The following RELN variants were observed in gnomAD, a reference collection of about 807,000 sequenced individuals.
RELN encodes reelin.
A neutral mutation model predicts 427.6 loss-of-function variants in RELN; 108 were observed. The ratio of observed to expected loss-of-function variants is 0.25; its 90% CI spans 0.22 to 0.30. The LOEUF (loss-of-function observed/expected upper bound fraction) is 0.30, where lower values mean the gene tolerates loss of function less well. RELN is among the 10% of genes least tolerant of loss of function. The probability of loss-of-function intolerance (pLI) is 1.00; values close to 1 mark genes in which losing one functional copy is unlikely to be tolerated. For synonymous variants in RELN, 1,524 were observed against 1,513.4 expected (o/e 1.01, Z -0.16); for missense variants, 3,715 against 4,302.8 (o/e 0.86, Z 3.82).
At position 103,989,400 on chromosome 7, in the gene RELN, C is replaced by A. The variant is rs1398484176; in HGVS notation, c.-44G>T. On this transcript the variant is annotated 5_prime_UTR_variant, in exon 1 of 65. An upstream open reading frame in the 5' UTR gains an earlier in-frame stop. Transcript: ENST00000428762. This position sits in a 1 kb window ranked among gnomAD's most constrained non-coding sequence, Gnocchi z 4.9. ...GCCGCCGCGCGCCCTACGCGCCGCT[C>A]GCTCATTCAGTTTTGGAGACGCCGG... 1.5e-6 allele frequency: 2 copies of A among 1,370,096 alleles called. No individual in the cohort carries two copies. Among genetic ancestry groups the A allele is most frequent in the South Asian group, 1.8e-5 (1 of 55,350 alleles). The allele number at this position is 1,370,096 out of a possible 1,614,324, so 84.9% of individuals were successfully genotyped here. A position where few individuals can be genotyped will look rare whatever the true frequency, so the allele number is the denominator to read the frequency against.
At position 103,885,824 on chromosome 7, in the gene RELN, A is replaced by C. The variant is rs528830066; in HGVS notation, c.337+31251T>G. Among the ~76,000 whole-genome samples, 5 of 152,296 alleles carry C rather than the reference A, an allele frequency of 3.3e-5. No homozygotes were observed. The South Asian group carries it at 8.3e-4, about 25-fold the overall frequency. On this transcript the variant is annotated intron_variant, in intron 2 of 64. Coordinates refer to ENST00000428762, the MANE Select transcript of RELN (RefSeq NM_005045.4). ...CTTTCTAAATGCCTTACAAGTTTTA[A>C]ATGTCTAACAATTAAAATGTTGCGT...
intron 2 of RELN, among the ~76,000 whole-genome samples, chr7:103,890,483 C>T (rs1055972708): frequency 1.1e-4 from 17 of 152,130 alleles, no homozygotes; most frequent in Admixed American, 3.3e-4. Context: ...TTGTGAACTG[C>T]GCATGCAAGG....
rs1562841823 is a variant in RELN at position 103,483,677 on chromosome 7, T to C, written c.10157A>G (p.Gln3386Arg). 1.2e-6 allele frequency: 2 copies of C among 1,613,214 alleles called. No homozygotes were observed. Among genetic ancestry groups the C allele is most frequent in the Admixed American group, 3.3e-5 (2 of 60,014 alleles). ...QHQPKDFTQAQRVSYNVPLEA... is the reference protein window; with the variant it reads ...QHQPKDFTQARRVSYNVPLEA... ...CAGGGGGACATTGTAAGACACTCTC[T>C]GAGCTTGTGTGAAGTCCTTTGGCTG... Residue 3386 changes from glutamine (Q) to arginine (R), a missense_variant, in exon 62 of 65, where the codon CAG becomes CGG. Coordinates refer to ENST00000428762, the MANE Select transcript of RELN (RefSeq NM_005045.4).
chr7:103,681,982 T>A, intron 11 of RELN, 134 bp downstream of exon 11: 1 of 880,676 alleles, frequency 1.1e-6, no homozygotes, highest in Non-Finnish European at 1.9e-6. Flanking sequence ...GCACCCCTTT[T>A]GGCTTGTCTA....
At chr7:103,516,354 C>T (rs1177985496) in intron 49 of RELN, among the ~76,000 whole-genome samples, 2 of 149,766 alleles carry the variant, frequency 1.3e-5, no homozygotes, top group Admixed American at 1.3e-4. Flanking sequence ...GGTACAATCT[C>T]GGCTCACTGC....
At chr7:103,604,990 T>C (rs766634508) in intron 22 of RELN, among the ~76,000 whole-genome samples, 5 of 152,084 alleles carry the variant, frequency 3.3e-5, no homozygotes, top group Non-Finnish European at 2.9e-5. Flanking sequence ...CCAACATGCC[T>C]GGCTAATTTT....
intron 1 of RELN, among the ~76,000 whole-genome samples, chr7:103,960,454 T>G (rs1441859934): frequency 6.6e-6 from 1 of 152,222 alleles, no homozygotes; most frequent in East Asian, 1.9e-4. Context: ...CCTCCTTCCC[T>G]GCTTTTTTTC....
At chr7:103,730,484 T>A (rs1180385144) in intron 6 of RELN, among the ~76,000 whole-genome samples, 1 of 151,326 alleles carries the variant, frequency 6.6e-6, no homozygotes, top group Non-Finnish European at 1.5e-5. Flanking sequence ...ATAGCAGGGA[T>A]TTAAAAAAAA....
intron 6 of RELN, among the ~76,000 whole-genome samples, chr7:103,747,839 TAA>T (rs1294837977): frequency 6.6e-6 from 1 of 151,808 alleles, no homozygotes; most frequent in African/African-American, 2.4e-5. Context: ...ACAGCTTAAG[TAA>T]AAGAGACATA....
rs1829654887 is a variant in RELN at position 103,519,621 on chromosome 7, C to T, written c.7669-105G>A. On this transcript the variant is annotated intron_variant, in intron 48 of 64. Transcript: ENST00000428762. Reference sequence around the variant, plus strand: ...TTTTTGAGACAGGGTCTTGCTCTGTCACCTAGGCTGGAGTGCAGTGGCACC... The same window carrying T: ...TTTTTGAGACAGGGTCTTGCTCTGTTACCTAGGCTGGAGTGCAGTGGCACC... 3.0e-5 allele frequency: 25 copies of T among 832,008 alleles called. No individual in the cohort carries two copies. The South Asian group carries it at 3.8e-4, about 13-fold the overall frequency. The allele number at this position is 832,008 out of a possible 1,614,324, so 51.5% of individuals were successfully genotyped here. A position where few individuals can be genotyped will look rare whatever the true frequency, so the allele number is the denominator to read the frequency against.
At chr7:103,752,196 A>T (rs112881568) in intron 5 of RELN, among the ~76,000 whole-genome samples, 1 of 152,174 alleles carries the variant, frequency 6.6e-6, no homozygotes, top group Admixed American at 6.5e-5. Flanking sequence ...TACTTTGCAG[A>T]TGAGAAAACT....
intron 40 of RELN, 133 bp from the exon 41 acceptor site, chr7:103,551,429 A>C: frequency 1.4e-6 from 1 of 728,336 alleles, no homozygotes; most frequent in Non-Finnish European, 2.4e-6. Context: ...CTATAAAATT[A>C]TGTTTTGCCT....
intron 1 of RELN, among the ~76,000 whole-genome samples, chr7:103,939,797 T>A (rs985719099): frequency 4.6e-5 from 7 of 152,240 alleles, no homozygotes; most frequent in Non-Finnish European, 1.0e-4. Context: ...ATCTATCATG[T>A]AGCCATTAAA....
In RELN at chr7:103,482,912, C is replaced by T; in HGVS notation, c.10241G>A (p.Gly3414Asp). 1 of 1,614,216 alleles carries T rather than the reference C, an allele frequency of 6.2e-7. No individual in the cohort carries two copies. The highest frequency in any genetic ancestry group is 8.5e-7 in the Non-Finnish European group (1 of 1,180,032). ...ATGGTCCAAAGCCCATTGATCATGA[C>T]CTGTTCCATTGTGGCGTGGTTGCCA... is the stretch of plus-strand genomic sequence containing the variant. ...RWWQPRHNGT[G>D]HDQWALDHVE... Residue 3414 changes from glycine to aspartate, a missense_variant, in exon 63 of 65, where the codon GGT becomes GAT. Transcript: ENST00000428762.
At position 103,495,862 on chromosome 7, in the gene RELN, G is replaced by A. The variant is rs2117018752; in HGVS notation, c.9230C>T (p.Pro3077Leu). ...AAATCCTGCTGTCCTTACAGCATTA[G>A]GGTAAAAACTCCAGTTTTCTTCATG... Reference protein sequence around the residue: ...TSHEENWSFYPNAVRTAGFCG... With the variant: ...TSHEENWSFYLNAVRTAGFCG... The change falls in exon 57 of 65, where the codon CCT (proline) becomes CTT (leucine). Residue 3077 changes from proline to leucine, a missense_variant. By Grantham distance (98) the Pro-to-Leu change is moderately conservative. Transcript: ENST00000428762. 1 of 1,613,670 alleles carries A rather than the reference G, an allele frequency of 6.2e-7. No individual in the cohort carries two copies. Among genetic ancestry groups the A allele is most frequent in the Non-Finnish European group, 8.5e-7 (1 of 1,179,836 alleles).
intron 5 of RELN, among the ~76,000 whole-genome samples, chr7:103,752,643 G>T (rs1791033611): frequency 6.6e-6 from 1 of 152,032 alleles, no homozygotes; most frequent in South Asian, 2.1e-4. Flanking sequence ...TTAAACACCT[G>T]GTCTCAAGTG....
intron 2 of RELN, among the ~76,000 whole-genome samples, chr7:103,906,433 C>G: frequency 6.6e-6 from 1 of 152,112 alleles, no homozygotes; most frequent in East Asian, 1.9e-4. Context: ...ATAATGTTAG[C>G]TATGTTTATG....
chr7:103,824,936 T>C lies in RELN; in HGVS notation c.473+8601A>G, dbSNP rs1326514916. Among the ~76,000 whole-genome samples, 2 of 151,934 alleles carry C rather than the reference T, an allele frequency of 1.3e-5. No homozygotes were observed. On this transcript the variant is annotated intron_variant, in intron 3 of 64. Transcript: ENST00000428762. The surrounding 1 kb of genome is among the most constrained non-coding windows in gnomAD (Gnocchi z 4.4). Reference sequence around the variant, plus strand: ...GGTGGTTTAAAGAACACGTTTTGGATCAAAACACACCTGTCTTTGCGAGTT... The same window carrying C: ...GGTGGTTTAAAGAACACGTTTTGGACCAAAACACACCTGTCTTTGCGAGTT...
chr7:103,983,796 C>CT, intron 1 of RELN, among the ~76,000 whole-genome samples: 1 of 152,114 alleles, frequency 6.6e-6, no homozygotes, highest in African/African-American at 2.4e-5. Flanking sequence ...CTCCACCTTC[C>CT]TTTTTTTCCG....
Sources: allele counts gnomAD v4.1 joint callset (sites outside exome capture counted in the v4.1 genomes callset), GRCh38; gene constraint gnomAD v4.1.1; non-coding constraint Gnocchi (gnomAD v3.1); transcripts MANE v1.5; gene names NCBI Gene and HGNC (gene_info 2026-07-23, HGNC 2026-07-21).